Variants in PACRG observed in about 807,000 individuals in gnomAD.
The protein encoded by PACRG is parkin coregulated gene protein.
In PACRG, 29 loss-of-function variants were observed where a neutral mutation model predicts 29.7. The observed-to-expected ratio is 0.98, with a 90% CI of 0.73 to 1.33. PACRG has a LOEUF of 1.33. Among genes scored for constraint, PACRG ranks in the 40% most tolerant of loss-of-function variants. The pLI is 0.00. For missense variants in PACRG, 279 were observed against 316.2 expected (o/e 0.88, Z 0.89); for synonymous variants, 116 against 118.7 (o/e 0.98, Z 0.15).
chr6:163,152,554 A>G (rs1778142737), intron 4 of PACRG, among the ~76,000 whole-genome samples: 1 of 152,234 alleles, frequency 6.6e-6, no homozygotes, highest in South Asian at 2.1e-4. Context: ...GAACATAGGA[A>G]GGACCTCAAT....
chr6:163,149,935 G>T (rs1028825057), intron 4 of PACRG, among the ~76,000 whole-genome samples: 1 of 152,192 alleles, frequency 6.6e-6, no homozygotes, highest in Non-Finnish European at 1.5e-5. Flanking sequence ...CTCCCGCCCT[G>T]GGACTCCCCA....
intron 1 of PACRG, among the ~76,000 whole-genome samples, chr6:162,775,929 C>T (rs1213296036): frequency 6.6e-6 from 1 of 152,118 alleles, no homozygotes; most frequent in African/African-American, 2.4e-5. Flanking sequence ...TATGATAACT[C>T]TAAGCTCAAA....
chr6:162,763,518 C>G (rs1782542969), intron 1 of PACRG, among the ~76,000 whole-genome samples: 1 of 152,174 alleles, frequency 6.6e-6, no homozygotes, highest in Non-Finnish European at 1.5e-5. Context: ...AAAGTCACAA[C>G]CCTTTTTGAA....
chr6:162,884,342 G>GA (rs367688994), intron 2 of PACRG, among the ~76,000 whole-genome samples: 3 of 151,922 alleles, frequency 2.0e-5, no homozygotes, highest in Non-Finnish European at 2.9e-5. Context: ...TATGTTTATT[G>GA]AAAAAAATCC....
intron 1 of PACRG, among the ~76,000 whole-genome samples, chr6:162,741,318 T>G (rs7764309): frequency 0.26 from 38,961 of 152,056 alleles, 5,539 homozygotes; most frequent in African/African-American, 0.37. Flanking sequence ...GTAGGCTGGG[T>G]CTGTCATAAC....
chr6:163,108,490 G>A lies in PACRG; in HGVS notation c.613+19082G>A, dbSNP rs148071010. Among the ~76,000 whole-genome samples, 549 of 147,384 alleles carry A rather than the reference G, an allele frequency of 3.7e-3. 1 individual carries two copies. The highest frequency in any genetic ancestry group is 5.7e-3 in the Non-Finnish European group (384 of 67,470). On this transcript the variant is annotated intron_variant, in intron 4 of 4. Transcript: ENST00000366888. ...TCACACTGCAGCCTCTGCCTCCCAGGTTCAAGCAATCTCAGGCCTCAGTCC... is the reference window on the plus strand; with the variant it reads ...TCACACTGCAGCCTCTGCCTCCCAGATTCAAGCAATCTCAGGCCTCAGTCC...
chr6:163,108,559 A>AT (rs34079912), intron 4 of PACRG, among the ~76,000 whole-genome samples: 60,040 of 148,630 alleles, frequency 0.4, 11,980 homozygotes, highest in East Asian at 0.52. Flanking sequence ...CACCCAGCTA[A>AT]TTTTTTTTTT....
chr6:162,858,536 T>G (rs1791592057), intron 2 of PACRG, among the ~76,000 whole-genome samples: 1 of 152,222 alleles, frequency 6.6e-6, no homozygotes, highest in South Asian at 2.1e-4. Context: ...GGTTCGTGGC[T>G]GAGAACCTTA....
intron 2 of PACRG, among the ~76,000 whole-genome samples, chr6:162,882,879 C>T (rs957448472): frequency 7.2e-5 from 11 of 152,184 alleles, no homozygotes; most frequent in African/African-American, 2.7e-4. Context: ...ATTTCCCAAA[C>T]CTTCAGAAAC....
intron 2 of PACRG, among the ~76,000 whole-genome samples, chr6:162,847,098 CCCACACTGT>C (rs1431044286): frequency 2.0e-5 from 3 of 150,970 alleles, no homozygotes; most frequent in African/African-American, 7.3e-5. Context: ...CACTGTGCTC[CCCACACTGT>C]CCACTGTGCT....
chr6:163,045,298 A>T (rs182912375), intron 2 of PACRG, among the ~76,000 whole-genome samples: 1 of 152,206 alleles, frequency 6.6e-6, no homozygotes, highest in Non-Finnish European at 1.5e-5. Flanking sequence ...AACCACACCC[A>T]CCTCACAGGA....
chr6:163,005,871 A>G (rs1186051782), intron 2 of PACRG, among the ~76,000 whole-genome samples: 1 of 148,232 alleles, frequency 6.7e-6, no homozygotes, highest in Non-Finnish European at 1.5e-5. Context: ...CAACATAGTT[A>G]TACGTGTTAT....
intron 1 of PACRG, among the ~76,000 whole-genome samples, chr6:162,755,457 A>G (rs1048769757): frequency 6.6e-6 from 1 of 151,126 alleles, no homozygotes; most frequent in African/African-American, 2.4e-5. Flanking sequence ...ATTTTTTGAG[A>G]CAGAGTCTTG....
At chr6:162,899,219 G>T (rs559226912) in intron 2 of PACRG, among the ~76,000 whole-genome samples, 3 of 152,278 alleles carry the variant, frequency 2.0e-5, no homozygotes, top group Admixed American at 2.0e-4. Context: ...ACAATTTGCT[G>T]GTAGTGGCCA....
chr6:162,977,152 G>C (rs1487995287), intron 2 of PACRG, among the ~76,000 whole-genome samples: 1 of 151,808 alleles, frequency 6.6e-6, no homozygotes, highest in Non-Finnish European at 1.5e-5. Context: ...TTTAAATATA[G>C]ATATGAGTTG....
chr6:163,230,117 G>A (rs1781965902), intron 4 of PACRG, among the ~76,000 whole-genome samples: 1 of 152,186 alleles, frequency 6.6e-6, no homozygotes, highest in Non-Finnish European at 1.5e-5. Context: ...TCTTTGCAAA[G>A]AGAATGTACG....
At chr6:162,976,980 A>C (rs1018245348) in intron 2 of PACRG, among the ~76,000 whole-genome samples, 1 of 152,130 alleles carries the variant, frequency 6.6e-6, no homozygotes, top group African/African-American at 2.4e-5. Context: ...AAATACCACA[A>C]AAATAACAAC....
At chr6:162,890,285 C>CT (rs925697000) in intron 2 of PACRG, among the ~76,000 whole-genome samples, 3 of 152,068 alleles carry the variant, frequency 2.0e-5, no homozygotes, top group African/African-American at 4.8e-5. Flanking sequence ...TGGATGTATA[C>CT]TTTTTTTTAA....
At chr6:163,080,470 A>G (rs1812981094) in intron 3 of PACRG, among the ~76,000 whole-genome samples, 1 of 151,910 alleles carries the variant, frequency 6.6e-6, no homozygotes, top group African/African-American at 2.4e-5. Flanking sequence ...AACCTGGGCA[A>G]CAAGACTGAA....
Sources: allele counts gnomAD v4.1 joint callset (sites outside exome capture counted in the v4.1 genomes callset), GRCh38; gene constraint gnomAD v4.1.1; transcripts MANE v1.5; gene names NCBI Gene and HGNC (gene_info 2026-07-23, HGNC 2026-07-21).